FRAS1: variants seen among roughly 807,000 people sequenced by gnomAD.
FRAS1 encodes Fraser extracellular matrix complex subunit 1.
In FRAS1, 290 loss-of-function variants were observed where a neutral mutation model predicts 435.2. The observed-to-expected ratio is 0.67, with a 90% CI of 0.61 to 0.73. The LOEUF (loss-of-function observed/expected upper bound fraction) is 0.73, where lower values mean the gene tolerates loss of function less well. FRAS1 is among the 30% of genes least tolerant of loss of function. The pLI, the probability that FRAS1 is intolerant of heterozygous loss-of-function variation, is 0.00. For synonymous variants in FRAS1, 1,800 were observed against 1,851.0 expected (o/e 0.97, Z 0.71); for missense variants, 4,860 against 5,001.5 (o/e 0.97, Z 0.85).
chr4:78,272,170 C>T (rs1174211386), intron 9 of FRAS1, among the ~76,000 whole-genome samples: 2 of 151,720 alleles, frequency 1.3e-5, no homozygotes, highest in Non-Finnish European at 2.9e-5. Context: ...TTGTTTTTTT[C>T]TTGTAAATTT....
rs925174945 is a variant in FRAS1, at chr4:78,057,895, C to G, written c.-115C>G. On this transcript the variant is annotated 5_prime_UTR_variant, in exon 1 of 74. Transcript: ENST00000512123. This position sits in a 1 kb window ranked among gnomAD's most constrained non-coding sequence, Gnocchi z 4.2. The stretch of plus-strand genomic sequence containing the variant: ...TCTCTTTTTCCCGGAGGTAAAGGCC[C>G]GCGGTCCCCCACCTTCAGTGCGCCC... The G allele has an allele frequency of 3.4e-6, 3 of 881,318 alleles. No individual in the cohort carries two copies. In the African/African-American group the frequency reaches 5.0e-5, roughly 15 times the overall value. The allele number at this position is 881,318 out of a possible 1,614,324, so 54.6% of individuals were successfully genotyped here.
chr4:78,231,271 G>A (rs1241734303), intron 2 of FRAS1, among the ~76,000 whole-genome samples: 1 of 151,304 alleles, frequency 6.6e-6, no homozygotes, highest in African/African-American at 2.4e-5. Context: ...TATTTTAAAA[G>A]TAACTTCAAA....
chr4:78,286,261 G>C (rs188076581), intron 13 of FRAS1, 144 bp from the exon 14 acceptor site: 2 of 869,182 alleles, frequency 2.3e-6, no homozygotes, highest in East Asian at 2.4e-5. Context: ...CTATACAGAT[G>C]ATGGCTGTTA....
At chr4:78,169,956 T>TAGTA (rs1721482965) in intron 2 of FRAS1, among the ~76,000 whole-genome samples, 1 of 152,168 alleles carries the variant, frequency 6.6e-6, no homozygotes, top group Admixed American at 6.5e-5. Flanking sequence ...GGGGATGAGA[T>TAGTA]AGTAATATTG....
Position 78,518,442 on chromosome 4 carries a change from ATATATATATATTTATTTATT to A in FRAS1, c.10390-885_10390-866del, listed in dbSNP as rs896825156. Among the ~76,000 whole-genome samples, 72 of 66,878 alleles carry A rather than the reference ATATATATATATTTATTTATT, an allele frequency of 1.1e-3. No individual in the cohort carries two copies. The East Asian group carries it at 0.024, about 22-fold the overall frequency. 43.9% of individuals were successfully genotyped at this position (66,878 alleles called of 152,430 possible). ...GTTGTGTATATATATATATATATAT[ATATATATATATTTATTTATT>A]TATTTATTTGTGGAAAAAAGTATAA... On this transcript the variant is annotated intron_variant, in intron 66 of 73. Coordinates refer to ENST00000512123, the MANE Select transcript of FRAS1 (RefSeq NM_025074.7).
intron 2 of FRAS1, among the ~76,000 whole-genome samples, chr4:78,125,973 G>T (rs370914995): frequency 1.3e-5 from 2 of 152,146 alleles, no homozygotes; most frequent in East Asian, 3.9e-4. Context: ...GTTCAGATAT[G>T]CCCTGCCCCC....
chr4:78,178,609 T>C (rs1392443453), intron 2 of FRAS1, among the ~76,000 whole-genome samples: 1 of 152,194 alleles, frequency 6.6e-6, no homozygotes, highest in East Asian at 1.9e-4. Context: ...TCCAATTGAT[T>C]TGCAAAATGA....
rs1722089455 is a variant in FRAS1 at position 78,542,531 on chromosome 4, G to A, written c.*1407G>A. The A allele has an allele frequency of 6.6e-6, 1 of 152,612 alleles. No homozygotes were observed. Among genetic ancestry groups the A allele is most frequent in the African/African-American group, 2.4e-5 (1 of 41,452 alleles). The allele number at this position is 152,612 out of a possible 1,614,324, so 9.5% of individuals were successfully genotyped here. On this transcript the variant is annotated 3_prime_UTR_variant, in exon 74 of 74. Coordinates refer to ENST00000512123, the MANE Select transcript of FRAS1 (RefSeq NM_025074.7). ...CACCATAGTCACCAAGCAAATAACA[G>A]AGCCTTCACATTGTGTAATATTTGT...
At chr4:78,372,670 TGAGGGTGGACAGAAAGGAA>T (rs1731561446) in intron 23 of FRAS1, 29 bp from the exon 24 acceptor site, 1 of 1,606,904 alleles carries the variant, frequency 6.2e-7, no homozygotes, top group African/African-American at 1.3e-5. Context: ...CTGCTGGGTC[TGAGGGTGGACAGAAAGGAA>T]GATAATCTAA....
intron 28 of FRAS1, among the ~76,000 whole-genome samples, chr4:78,384,496 T>C (rs1156780175): frequency 5.3e-5 from 8 of 152,272 alleles, no homozygotes; most frequent in Middle Eastern, 3.4e-3. Flanking sequence ...AGCTAATAAA[T>C]AGGGAGTCAA....
intron 2 of FRAS1, among the ~76,000 whole-genome samples, chr4:78,083,728 G>T (rs928579116): frequency 6.6e-6 from 1 of 150,592 alleles, no homozygotes; most frequent in Admixed American, 6.6e-5. Flanking sequence ...GATAAGTAGG[G>T]TCAGGTGTTG....
At chr4:78,539,894 T>C (rs954720409) in intron 73 of FRAS1, among the ~76,000 whole-genome samples, 1 of 152,238 alleles carries the variant, frequency 6.6e-6, no homozygotes, top group Non-Finnish European at 1.5e-5. Flanking sequence ...AGATGAAATT[T>C]CACTTTTTTT....
Position 78,266,284 on chromosome 4 carries a change from C to T in FRAS1, c.688-550C>T, listed in dbSNP as rs554628031. Among the ~76,000 whole-genome samples, 4 of 152,350 alleles carry T rather than the reference C, an allele frequency of 2.6e-5. 1 individual carries two copies. The South Asian group carries it at 8.3e-4, about 32-fold the overall frequency. ...CCTCCCATCCCCAAGGAGACCTCCT[C>T]AGCCCTGGGCAGCTCATCCTCACAC... On this transcript the variant is annotated intron_variant, in intron 7 of 73. Coordinates refer to ENST00000512123, the MANE Select transcript of FRAS1 (RefSeq NM_025074.7).
intron 2 of FRAS1, among the ~76,000 whole-genome samples, chr4:78,126,402 C>T (rs970415462): frequency 8.5e-5 from 13 of 152,216 alleles, no homozygotes; most frequent in African/African-American, 2.9e-4. Flanking sequence ...CCTCTGTGGG[C>T]TGCACCCACT....
intron 2 of FRAS1, among the ~76,000 whole-genome samples, chr4:78,227,781 A>G (rs754064977): frequency 3.1e-4 from 47 of 152,252 alleles, no homozygotes; most frequent in Non-Finnish European, 5.9e-4. Context: ...CTCAAACAGC[A>G]TAGATTGAAG....
chr4:78,381,243 T>C (rs1188168923), intron 27 of FRAS1, among the ~76,000 whole-genome samples: 1 of 152,192 alleles, frequency 6.6e-6, no homozygotes, highest in Non-Finnish European at 1.5e-5. Context: ...AAAACTCTGG[T>C]GTTTGATGCC....
intron 36 of FRAS1, 116 bp from the exon 37 acceptor site, chr4:78,430,176 A>T (rs1578319602): frequency 1.6e-6 from 2 of 1,243,332 alleles, no homozygotes; most frequent in Non-Finnish European, 2.3e-6. Flanking sequence ...GTGCTTTCTG[A>T]TAACAATCAG....
At position 78,383,183 on chromosome 4, in the gene FRAS1, G is replaced by A. The variant is rs76841189; in HGVS notation, c.3564-876G>A. Among the ~76,000 whole-genome samples, 1,482 of 152,168 alleles carry A rather than the reference G, an allele frequency of 9.7e-3. 17 individuals carry two copies. The highest frequency in any genetic ancestry group is 0.034 in the African/African-American group (1,417 of 41,514). On this transcript the variant is annotated intron_variant, in intron 27 of 73. Coordinates refer to ENST00000512123, the MANE Select transcript of FRAS1 (RefSeq NM_025074.7). ...AACGGCTTATTTTATTACTAATTGG[G>A]ACTTTTTGGTTGCAAGTAATGGAAG...
intron 26 of FRAS1, among the ~76,000 whole-genome samples, chr4:78,378,566 C>T (rs7660922): frequency 0.011 from 1,667 of 152,240 alleles, 44 homozygotes; most frequent in African/African-American, 0.038. Flanking sequence ...GATTTCTCCA[C>T]GACCTAACAA....
Sources: gnomAD v4.1 joint callset for allele counts (sites outside exome capture counted in the v4.1 genomes callset) on GRCh38, gnomAD v4.1.1 for gene constraint, Gnocchi (gnomAD v3.1) non-coding constraint, MANE v1.5 for transcripts, NCBI Gene and HGNC (gene_info 2026-07-23, HGNC 2026-07-21) for gene names.